Variants in CTNNA3 observed in about 807,000 individuals in gnomAD.
CTNNA3 encodes the protein catenin alpha-3.
In CTNNA3, 76 loss-of-function variants were observed where a neutral mutation model predicts 95.7. That is an observed-to-expected ratio of 0.79 (90% CI 0.66 to 0.96). The LOEUF is 0.96. Ranked by LOEUF, CTNNA3 falls within the 40% of genes least tolerant of loss-of-function variation. The pLI is 0.00. For synonymous variants in CTNNA3, 431 were observed against 374.4 expected, an observed-to-expected ratio of 1.15 and a Z score of -1.74; for missense variants, 1,191 against 1,089.8, an observed-to-expected ratio of 1.09 and a Z score of -1.31.
At chr10:66,008,177 A>G (rs1436617382) in intron 15 of CTNNA3, among the ~76,000 whole-genome samples, 4 of 152,152 alleles carry the variant, frequency 2.6e-5, no homozygotes, top group African/African-American at 9.7e-5. Context: ...CTGGGTCTCA[A>G]TTAAGTGGGG....
At chr10:66,074,040 C>G (rs3911780) in intron 14 of CTNNA3, among the ~76,000 whole-genome samples, 92,126 of 151,574 alleles carry the variant, frequency 0.61, 28,058 homozygotes, top group East Asian at 0.71. Flanking sequence ...TCACTAACTT[C>G]ATTTCTAAAA....
At chr10:67,612,935 C>T (rs1233557003) in intron 2 of CTNNA3, among the ~76,000 whole-genome samples, 1 of 152,194 alleles carries the variant, frequency 6.6e-6, no homozygotes, top group Non-Finnish European at 1.5e-5. Flanking sequence ...AGAGGTCTCA[C>T]TGCCTCTGCA....
chr10:67,691,653 C>T (rs565995248), intron 1 of CTNNA3, among the ~76,000 whole-genome samples: 226 of 151,356 alleles, frequency 1.5e-3, no homozygotes, highest in Non-Finnish European at 2.2e-3. Flanking sequence ...CCCCTCCGCC[C>T]GGCAGCCGCC....
intron 7 of CTNNA3, among the ~76,000 whole-genome samples, chr10:66,859,682 C>A (rs1170359255): frequency 2.1e-5 from 3 of 142,284 alleles, no homozygotes; most frequent in East Asian, 2.0e-4. Context: ...ACCCAAACGA[C>A]TATAAATCAT....
At chr10:66,167,421 A>C (rs1174763395) in intron 13 of CTNNA3, among the ~76,000 whole-genome samples, 1 of 152,196 alleles carries the variant, frequency 6.6e-6, no homozygotes, top group Non-Finnish European at 1.5e-5. Context: ...TCTGCCCTAG[A>C]GATCACTGGG....
chr10:67,602,037 G>T (rs1354083740), intron 3 of CTNNA3, among the ~76,000 whole-genome samples: 2 of 152,090 alleles, frequency 1.3e-5, no homozygotes, highest in African/African-American at 4.8e-5. Context: ...GGAAGGAAAA[G>T]TTTTCTAAAT....
At chr10:67,115,955 C>A (rs994364807) in intron 7 of CTNNA3, among the ~76,000 whole-genome samples, 1 of 151,966 alleles carries the variant, frequency 6.6e-6, no homozygotes, top group African/African-American at 2.4e-5. Flanking sequence ...TACATTTATG[C>A]TCAGTATTCC....
At chr10:67,592,338 A>G (rs1842814728) in intron 3 of CTNNA3, among the ~76,000 whole-genome samples, 1 of 152,138 alleles carries the variant, frequency 6.6e-6, no homozygotes, top group African/African-American at 2.4e-5. Context: ...GGAGCAAAAT[A>G]GCTGTAACAT....
At chr10:66,246,414 T>G (rs1200774417) in intron 13 of CTNNA3, among the ~76,000 whole-genome samples, 1 of 152,094 alleles carries the variant, frequency 6.6e-6, no homozygotes, top group East Asian at 2.0e-4. Context: ...TGGGAGCTCC[T>G]GCCCCATCTT....
At position 67,682,114 on chromosome 10, in the gene CTNNA3, C is replaced by T. The variant is rs142786499; in HGVS notation, c.-6+13886G>A. 5.1e-3 allele frequency among the ~76,000 whole-genome samples: 762 copies of T among 150,654 alleles called. 10 individuals carry two copies. The highest frequency in any genetic ancestry group is 0.018 in the African/African-American group (719 of 40,928). On this transcript the variant is annotated intron_variant, in intron 1 of 17. Coordinates refer to ENST00000433211, the MANE Select transcript of CTNNA3 (RefSeq NM_013266.4). ...CAGAGGTTGCAGTGAGCCGAGATTG[C>T]GCCATTGCACTCCAACCTGGGTGAC...
intron 1 of CTNNA3, among the ~76,000 whole-genome samples, chr10:67,704,290 T>C (rs982727500): frequency 2.0e-5 from 3 of 152,188 alleles, no homozygotes; most frequent in Non-Finnish European, 4.4e-5. Context: ...AAAGTTTGTA[T>C]GGAACCAAAA....
intron 11 of CTNNA3, among the ~76,000 whole-genome samples, chr10:66,456,026 A>G (rs1200502903): frequency 2.0e-5 from 3 of 152,232 alleles, no homozygotes; most frequent in African/African-American, 7.2e-5. Flanking sequence ...AAAACAACAA[A>G]TGCTGATTAA....
intron 3 of CTNNA3, among the ~76,000 whole-genome samples, chr10:67,584,540 G>C (rs1398076514): frequency 6.6e-6 from 1 of 152,202 alleles, no homozygotes; most frequent in Admixed American, 6.5e-5. Context: ...GAGGCAGTCT[G>C]TCCATTCTCA....
chr10:66,491,253 C>T (rs756470816), intron 11 of CTNNA3, among the ~76,000 whole-genome samples: 2 of 152,134 alleles, frequency 1.3e-5, no homozygotes, highest in African/African-American at 2.4e-5. Flanking sequence ...CCTATAATAG[C>T]ATATCATGTT....
chr10:66,670,362 G>A (rs1846615936), intron 9 of CTNNA3, among the ~76,000 whole-genome samples: 1 of 152,110 alleles, frequency 6.6e-6, no homozygotes, highest in African/African-American at 2.4e-5. Context: ...TCCACGCCAA[G>A]GTCAGTGGCT....
In CTNNA3 at chr10:67,489,023, A is replaced by C. The variant is rs1848556072; in HGVS notation, c.579+32819T>G. Among the ~76,000 whole-genome samples the C allele has an allele frequency of 2.0e-5, 3 of 152,198 alleles. 1 individual carries two copies. The South Asian group carries it at 6.2e-4, about 32-fold the overall frequency. ...AGTACTGGGATTATAGGCATGAGCC[A>C]CCACGCCCAGATGGATCAGCTGATT... On this transcript the variant is annotated intron_variant, in intron 5 of 17. Transcript: ENST00000433211.
chr10:66,359,553 A>T, intron 12 of CTNNA3, among the ~76,000 whole-genome samples: 1 of 152,164 alleles, frequency 6.6e-6, no homozygotes, highest in Admixed American at 6.6e-5. Flanking sequence ...AATTTTCTAC[A>T]ATTTGAGTAT....
chr10:66,659,352 C>A lies in CTNNA3; in HGVS notation c.1282-37568G>T, dbSNP rs1052013922. Among the ~76,000 whole-genome samples the A allele has an allele frequency of 6.6e-5, 10 of 152,032 alleles. No homozygotes were observed. The East Asian group carries it at 1.9e-3, about 29-fold the overall frequency. On this transcript the variant is annotated intron_variant, in intron 9 of 17. Coordinates refer to ENST00000433211, the MANE Select transcript of CTNNA3 (RefSeq NM_013266.4). ...TGAGGAGGTAACTTTGAGTAGAGAC[C>A]TGTATAAGTGAGGAAGAGAACCATA... is the stretch of plus-strand genomic sequence containing the variant.
chr10:66,786,060 A>C (rs1564682023), intron 7 of CTNNA3, among the ~76,000 whole-genome samples: 1 of 152,092 alleles, frequency 6.6e-6, no homozygotes, highest in Non-Finnish European at 1.5e-5. Flanking sequence ...CTCCTGGCAG[A>C]AGTCTTCTTC....
Sources: allele counts gnomAD v4.1 joint callset (sites outside exome capture counted in the v4.1 genomes callset), GRCh38; gene constraint gnomAD v4.1.1; transcripts MANE v1.5; gene names NCBI Gene and HGNC (gene_info 2026-07-23, HGNC 2026-07-21).